The following SHC4 variants were observed in gnomAD, a reference collection of about 807,000 sequenced individuals.
The protein encoded by SHC4 is SHC-transforming protein 4.
In SHC4, 41 loss-of-function variants were observed where a neutral mutation model predicts 69.4. The observed-to-expected ratio is 0.59, with a 90% CI of 0.46 to 0.77. The LOEUF (loss-of-function observed/expected upper bound fraction) is 0.77, where lower values mean the gene tolerates loss of function less well. Among genes scored for constraint, SHC4 ranks in the 30% least tolerant of loss-of-function variants. The pLI is 0.00. For synonymous variants in SHC4, 318 were observed against 299.3 expected (o/e 1.06, Z -0.64); for missense variants, 777 against 783.8 (o/e 0.99, Z 0.10).
At chr15:48,844,703 G>A (rs1424963595) in intron 9 of SHC4, among the ~76,000 whole-genome samples, 2 of 152,172 alleles carry the variant, frequency 1.3e-5, no homozygotes, top group East Asian at 1.9e-4. Context: ...GGGCCAGGTG[G>A]AGATAACTGA....
At chr15:48,961,531 C>T (rs893375587) in intron 1 of SHC4, among the ~76,000 whole-genome samples, 5 of 152,216 alleles carry the variant, frequency 3.3e-5, no homozygotes, top group Non-Finnish European at 2.9e-5. Context: ...CAGGAATCCC[C>T]TCCTTTCTGC....
At chr15:48,857,589 A>G (rs1261836676) in intron 7 of SHC4, 103 bp downstream of exon 7, 1 of 1,083,198 alleles carries the variant, frequency 9.2e-7, no homozygotes, top group African/African-American at 1.7e-5. Flanking sequence ...AGTTCATTTT[A>G]AAATGCCACA....
At chr15:48,879,022 C>T (rs919489363) in intron 4 of SHC4, 2 of 325,206 alleles carry the variant, frequency 6.1e-6, no homozygotes, top group African/African-American at 4.3e-5. Flanking sequence ...GATTATTTTC[C>T]TTGCATTGGG....
chr15:48,863,435 A>G (rs1899488053), intron 6 of SHC4, among the ~76,000 whole-genome samples: 2 of 151,730 alleles, frequency 1.3e-5, no homozygotes, highest in Non-Finnish European at 2.9e-5. Context: ...TTGCTGCATC[A>G]TAGTACATTC....
intron 3 of SHC4, among the ~76,000 whole-genome samples, chr15:48,886,504 C>T (rs1900039030): frequency 6.6e-6 from 1 of 152,092 alleles, no homozygotes; most frequent in African/African-American, 2.4e-5. Context: ...GGAAAGCACA[C>T]AGGATGGGCA....
intron 2 of SHC4, among the ~76,000 whole-genome samples, chr15:48,914,599 C>T (rs535185386): frequency 3.3e-5 from 5 of 152,290 alleles, no homozygotes; most frequent in Admixed American, 2.0e-4. Flanking sequence ...TGCTGTATGA[C>T]ATGCTAGAAA....
intron 1 of SHC4, among the ~76,000 whole-genome samples, chr15:48,935,990 T>A (rs1901062234): frequency 6.6e-6 from 1 of 152,160 alleles, no homozygotes; most frequent in Non-Finnish European, 1.5e-5. Flanking sequence ...TGTCCTCTTT[T>A]ATTTGCTTTT....
At chr15:48,912,397 T>C (rs1900523315) in intron 2 of SHC4, among the ~76,000 whole-genome samples, 1 of 152,220 alleles carries the variant, frequency 6.6e-6, no homozygotes, top group African/African-American at 2.4e-5. Flanking sequence ...TCCAGAGCAT[T>C]TCACATTTCT....
At chr15:48,844,849 T>C (rs969050852) in intron 9 of SHC4, among the ~76,000 whole-genome samples, 1 of 152,114 alleles carries the variant, frequency 6.6e-6, no homozygotes, top group Non-Finnish European at 1.5e-5. Flanking sequence ...GCTTCTCCTT[T>C]GCCTTCTGCC....
At chr15:48,907,842 A>G (rs7182752) in intron 2 of SHC4, among the ~76,000 whole-genome samples, 4,510 of 108,924 alleles carry the variant, frequency 0.041, 82 homozygotes, top group African/African-American at 0.071. Flanking sequence ...GTGTGTGTGT[A>G]TATATATATA....
chr15:48,878,372 A>G (rs562466685), intron 4 of SHC4: 14 of 1,613,076 alleles, frequency 8.7e-6, no homozygotes, highest in South Asian at 6.6e-5. Context: ...GGCCCAGCCA[A>G]TGGCGGCGCC....
At chr15:48,942,732 A>G (rs1176841382) in intron 1 of SHC4, among the ~76,000 whole-genome samples, 3 of 152,246 alleles carry the variant, frequency 2.0e-5, no homozygotes, top group African/African-American at 7.2e-5. Context: ...ATGCTGAAGT[A>G]AGAGTCTAGG....
Position 48,962,434 on chromosome 15 carries a change from C to T in SHC4, c.582G>A (p.Val194=), listed in dbSNP as rs1901558733. The part of the protein sequence containing the change: ...HLLGMGMNYC[V]RYMGCVEVLQ... ...GCAGAGAGGAAAATGGACTTACCCT[C>T]ACACAGTAGTTCATGCCCATCCCCA... Residue 194 remains valine, a synonymous_variant, in exon 1 of 12, where the codon GTG becomes GTA. Transcript: ENST00000332408. 6.6e-7 allele frequency: 1 copy of T among 1,517,246 alleles called. No homozygotes were observed. Among genetic ancestry groups the T allele is most frequent in the South Asian group, 1.3e-5 (1 of 75,070 alleles). 94.0% of individuals were successfully genotyped at this position (1,517,246 alleles called of 1,614,324 possible). A position where few individuals can be genotyped will look rare whatever the true frequency, so the allele number is the denominator to read the frequency against.
At chr15:48,954,601 C>A (rs1191855542) in intron 1 of SHC4, among the ~76,000 whole-genome samples, 1 of 152,218 alleles carries the variant, frequency 6.6e-6, no homozygotes, top group Non-Finnish European at 1.5e-5. Context: ...AGCGGATAAA[C>A]ATTAGGCAGC....
At chr15:48,878,035 C>T in intron 4 of SHC4, 13 of 1,080,834 alleles carry the variant, frequency 1.2e-5, no homozygotes, top group Non-Finnish European at 1.6e-5. Context: ...CAGTGGCGCG[C>T]CAAGTAGGAG....
At chr15:48,857,523 T>C (rs1899347446) in intron 7 of SHC4, among the ~76,000 whole-genome samples, 169 bp downstream of exon 7, 1 of 152,094 alleles carries the variant, frequency 6.6e-6, no homozygotes. Flanking sequence ...GGAAGGAAAA[T>C]ATTATTTTGT....
chr15:48,961,723 C>A (rs1901549093), intron 1 of SHC4, among the ~76,000 whole-genome samples: 1 of 152,196 alleles, frequency 6.6e-6, no homozygotes, highest in Admixed American at 6.5e-5. Flanking sequence ...TCATTGAAAT[C>A]TGAGCTGCAA....
At chr15:48,829,164 A>G (rs1433740081) in intron 11 of SHC4, among the ~76,000 whole-genome samples, 1 of 152,176 alleles carries the variant, frequency 6.6e-6, no homozygotes, top group African/African-American at 2.4e-5. Flanking sequence ...AACATAATCT[A>G]TTCTGGAGAA....
At chr15:48,946,703 A>G (rs974598179) in intron 1 of SHC4, 4 of 492,752 alleles carry the variant, frequency 8.1e-6, no homozygotes, top group Non-Finnish European at 7.9e-6. Flanking sequence ...CATTTGGAAC[A>G]TTCTCTCCCC....
Sources: allele counts gnomAD v4.1 joint callset (sites outside exome capture counted in the v4.1 genomes callset), GRCh38; gene constraint gnomAD v4.1.1; transcripts MANE v1.5; gene names NCBI Gene and HGNC (gene_info 2026-07-23, HGNC 2026-07-21).